The following SKAP1 variants were observed in gnomAD, a reference collection of about 807,000 sequenced individuals.
The protein encoded by SKAP1 is src kinase-associated phosphoprotein 1.
In SKAP1, 44 loss-of-function variants were observed where a neutral mutation model predicts 58.5. The observed-to-expected ratio is 0.75, with a 90% confidence interval of 0.59 to 0.97. The LOEUF is 0.97. SKAP1 is among the 50% of genes least tolerant of loss of function. SKAP1 has a pLI of 0.00. For missense variants in SKAP1, 390 were observed against 435.2 expected, an observed-to-expected ratio of 0.90 and a Z score of 0.92; for synonymous variants, 127 against 149.7, an observed-to-expected ratio of 0.85 and a Z score of 1.11.
upstream of SKAP1, among the ~76,000 whole-genome samples, chr17:48,431,135 G>A (rs143727366): frequency 2.0e-5 from 3 of 152,204 alleles, no homozygotes; most frequent in African/African-American, 7.2e-5. Context: ...TAAAAGAAGG[G>A]AGCTGAATAC....
At chr17:48,405,442 TTTC>T (rs1347506430) in intron 1 of SKAP1, among the ~76,000 whole-genome samples, 2,293 of 78,142 alleles carry the variant, frequency 0.029, 26 homozygotes, top group South Asian at 0.06. Flanking sequence ...TCTTTCTTTC[TTTC>T]TTTCTTTTCT....
At chr17:48,419,476 T>G (rs1008349625) in intron 1 of SKAP1, among the ~76,000 whole-genome samples, 4 of 152,034 alleles carry the variant, frequency 2.6e-5, no homozygotes, top group African/African-American at 4.8e-5. Context: ...AGAGACGAGG[T>G]TTCACCATGT....
chr17:48,178,445 G>A (rs1316041957), intron 9 of SKAP1, among the ~76,000 whole-genome samples: 1 of 152,148 alleles, frequency 6.6e-6, no homozygotes, highest in Non-Finnish European at 1.5e-5. Flanking sequence ...GGCCAAGCTG[G>A]GGAATGCATC....
rs10633331 is a variant in SKAP1 at position 48,224,010 on chromosome 17, CAG to C, written c.281-34512_281-34511del. ...GAGCTGAACTCTGAGAGATGGGAGACAGAGAGAGAGAGAGAGAGAGAGAGAAG... is the reference window on the plus strand; with the variant it reads ...GAGCTGAACTCTGAGAGATGGGAGACAGAGAGAGAGAGAGAGAGAGAGAAG... On this transcript the variant is annotated intron_variant, in intron 4 of 12. Transcript: ENST00000336915. Among the ~76,000 whole-genome samples, 243 of 93,610 alleles carry C rather than the reference CAG, an allele frequency of 2.6e-3. 2 individuals are homozygous for C. The highest frequency in any genetic ancestry group is 0.013 in the East Asian group (40 of 3,014). 61.4% of individuals were successfully genotyped at this position (93,610 alleles called of 152,430 possible).
intron 2 of SKAP1, chr17:48,380,414 C>T (rs1334864520): frequency 6.6e-6 from 1 of 152,146 alleles, no homozygotes; most frequent in Admixed American, 6.5e-5. Context: ...AGTTGAGAAC[C>T]AAAATAGTCA....
the SKAP1 span, among the ~76,000 whole-genome samples, chr17:48,436,178 T>C: frequency 6.6e-6 from 1 of 152,150 alleles, no homozygotes; most frequent in East Asian, 1.9e-4. Context: ...TTCAAGTGAT[T>C]CTCCTGCCTC....
At chr17:48,221,785 C>A (rs920229217) in intron 4 of SKAP1, among the ~76,000 whole-genome samples, 3 of 152,184 alleles carry the variant, frequency 2.0e-5, no homozygotes, top group African/African-American at 7.2e-5. Flanking sequence ...TCCAGTTCAA[C>A]AGTGGGATGG....
intron 2 of SKAP1, among the ~76,000 whole-genome samples, chr17:48,388,878 T>G (rs534117297): frequency 6.6e-6 from 1 of 152,314 alleles, no homozygotes; most frequent in Non-Finnish European, 1.5e-5. Context: ...TGATAGAAGG[T>G]CTAAATTACC....
chr17:48,134,835 C>G (rs1358400958), intron 12 of SKAP1, among the ~76,000 whole-genome samples: 1 of 151,334 alleles, frequency 6.6e-6, no homozygotes, highest in African/African-American at 2.4e-5. Flanking sequence ...TCCCAAGTAG[C>G]TGGGATTACA....
intron 4 of SKAP1, among the ~76,000 whole-genome samples, chr17:48,216,688 C>T (rs765946418): frequency 2.7e-4 from 41 of 152,116 alleles, no homozygotes; most frequent in Non-Finnish European, 4.7e-4. Context: ...GACAGGGTTT[C>T]GCCATGTTAT....
At chr17:48,150,953 C>A (rs935404206) in intron 11 of SKAP1, among the ~76,000 whole-genome samples, 1 of 152,042 alleles carries the variant, frequency 6.6e-6, no homozygotes, top group Non-Finnish European at 1.5e-5. Context: ...TGACAACAGA[C>A]GGGGATTTCA....
intron 1 of SKAP1, among the ~76,000 whole-genome samples, chr17:48,425,210 A>G (rs1298974614): frequency 6.6e-6 from 1 of 152,180 alleles, no homozygotes; most frequent in Non-Finnish European, 1.5e-5. Context: ...GTGAGCCAAG[A>G]TTGTGCCACT....
intron 4 of SKAP1, among the ~76,000 whole-genome samples, chr17:48,230,246 T>A (rs1260576145): frequency 6.6e-6 from 1 of 152,206 alleles, no homozygotes; most frequent in East Asian, 1.9e-4. Flanking sequence ...AATGTTCTTG[T>A]GTAACCTGTT....
intron 4 of SKAP1, among the ~76,000 whole-genome samples, chr17:48,199,568 C>T (rs1055113633): frequency 6.6e-6 from 1 of 152,222 alleles, no homozygotes; most frequent in East Asian, 1.9e-4. Flanking sequence ...ACTCCCTCTT[C>T]TGTGCTTCTA....
chr17:48,237,278 T>A (rs1439486081), intron 4 of SKAP1, among the ~76,000 whole-genome samples: 1 of 152,266 alleles, frequency 6.6e-6, no homozygotes, highest in Admixed American at 6.5e-5. Flanking sequence ...TGTATCATTA[T>A]TCAATATAAG....
intron 1 of SKAP1, among the ~76,000 whole-genome samples, chr17:48,401,045 C>T (rs2067493225): frequency 6.6e-6 from 1 of 152,186 alleles, no homozygotes; most frequent in South Asian, 2.1e-4. Flanking sequence ...TTGGCTCACA[C>T]TCGTAATCCC....
intron 4 of SKAP1, among the ~76,000 whole-genome samples, chr17:48,340,260 G>T (rs994823166): frequency 8.5e-5 from 13 of 152,132 alleles, no homozygotes; most frequent in Non-Finnish European, 1.5e-5. Context: ...TTAATAAGTG[G>T]AAGTTCTAGG....
intron 4 of SKAP1, among the ~76,000 whole-genome samples, chr17:48,301,613 A>G (rs2066058193): frequency 6.6e-6 from 1 of 152,100 alleles, no homozygotes; most frequent in Non-Finnish European, 1.5e-5. Flanking sequence ...AGTAGCTGGG[A>G]TTACAGGCAC....
chr17:48,155,669 C>T (rs2063966527), intron 11 of SKAP1, among the ~76,000 whole-genome samples: 3 of 151,894 alleles, frequency 2.0e-5, no homozygotes, highest in South Asian at 4.2e-4. Context: ...CCAGCCTGGC[C>T]AATATGGCAA....
Sources: gnomAD v4.1 joint callset for allele counts (sites outside exome capture counted in the v4.1 genomes callset) on GRCh38, gnomAD v4.1.1 for gene constraint, MANE v1.5 for transcripts, NCBI Gene and HGNC (gene_info 2026-07-23, HGNC 2026-07-21) for gene names.